PDE10A: variants seen among roughly 807,000 people sequenced by gnomAD.
PDE10A encodes phosphodiesterase 10A.
PDE10A carries 39 observed loss-of-function variants against 97.7 expected under a neutral mutation model. That is an observed-to-expected ratio of 0.40 (90% CI 0.31 to 0.52). The LOEUF is 0.52. Ranked by LOEUF, PDE10A falls within the 20% of genes least tolerant of loss-of-function variation. The pLI, the probability that PDE10A is intolerant of heterozygous loss-of-function variation, is 0.56. For synonymous variants in PDE10A, 371 were observed against 376.8 expected (o/e 0.98, Z 0.18); for missense variants, 731 against 1,047.8 (o/e 0.70, Z 4.17).
intron 1 of PDE10A, among the ~76,000 whole-genome samples, chr6:165,958,762 A>AAAGAAAGAAAGAAAGG (rs1562327907): frequency 1.4e-5 from 2 of 142,840 alleles, no homozygotes; most frequent in Admixed American, 7.1e-5. Flanking sequence ...AGAAAGAAAG[A>AAAGAAAGAAAGAAAGG]AAGAAGAAAG....
At chr6:165,407,079 T>C (rs1583214495) in intron 13 of PDE10A, among the ~76,000 whole-genome samples, 1 of 152,218 alleles carries the variant, frequency 6.6e-6, no homozygotes, top group Non-Finnish European at 1.5e-5. Flanking sequence ...CATAATCATA[T>C]GAACCAATTT....
intron 1 of PDE10A, among the ~76,000 whole-genome samples, chr6:165,962,499 G>T (rs1048721737): frequency 3.3e-5 from 5 of 152,238 alleles, no homozygotes; most frequent in Non-Finnish European, 7.3e-5. Flanking sequence ...TGCACATTCT[G>T]ACAAAGTCAT....
At chr6:165,946,673 G>A (rs1783782628) in intron 1 of PDE10A, 1 of 152,024 alleles carries the variant, frequency 6.6e-6, no homozygotes, top group African/African-American at 2.4e-5. Flanking sequence ...AAAACATCAT[G>A]TTGCACATAA....
chr6:165,467,470 G>C lies in PDE10A; in HGVS notation c.1023+14845C>G, dbSNP rs897494257. 2.0e-5 allele frequency among the ~76,000 whole-genome samples: 3 copies of C among 152,106 alleles called. No homozygotes were observed. The South Asian group carries it at 6.2e-4, about 32-fold the overall frequency. ...CTGATGACTTTAAGTTGAATCTAAG[G>C]CTCAGTGACCACTGCAAAAATTCTA... is the stretch of plus-strand genomic sequence containing the variant. On this transcript the variant is annotated intron_variant, in intron 3 of 21. Coordinates refer to ENST00000539869, the MANE Select transcript of PDE10A (RefSeq NM_001385079.1).
intron 1 of PDE10A, among the ~76,000 whole-genome samples, chr6:165,609,319 T>C (rs988239607): frequency 2.0e-5 from 3 of 152,194 alleles, no homozygotes; most frequent in African/African-American, 7.2e-5. Flanking sequence ...CCCTTCATGC[T>C]AAAAATTCTC....
chr6:165,357,977 T>C (rs1366566035), intron 18 of PDE10A, among the ~76,000 whole-genome samples: 3 of 152,146 alleles, frequency 2.0e-5, no homozygotes, highest in Non-Finnish European at 2.9e-5. Flanking sequence ...CTCAGCACTG[T>C]TTTAGCTGCA....
intron 3 of PDE10A, among the ~76,000 whole-genome samples, chr6:165,475,999 T>C (rs1044939242): frequency 3.9e-5 from 6 of 152,116 alleles, no homozygotes; most frequent in East Asian, 1.9e-4. Flanking sequence ...ACGCTCACTA[T>C]CCAGCCCTCC....
At chr6:165,950,149 C>A (rs9459543) in intron 1 of PDE10A, among the ~76,000 whole-genome samples, 22,386 of 152,072 alleles carry the variant, frequency 0.15, 1,875 homozygotes, top group Non-Finnish European at 0.18. Flanking sequence ...AAAATATGAC[C>A]TATTTCTTTT....
chr6:165,751,426 C>A (rs1217917745), intron 1 of PDE10A, among the ~76,000 whole-genome samples: 1 of 152,124 alleles, frequency 6.6e-6, no homozygotes, highest in African/African-American at 2.4e-5. Context: ...GAAGGAGCAC[C>A]CCTTTGAGAT....
chr6:165,911,345 G>A (rs1028912731), intron 1 of PDE10A, among the ~76,000 whole-genome samples: 15 of 152,254 alleles, frequency 9.9e-5, no homozygotes, highest in Admixed American at 2.0e-4. Context: ...TGGCAAAGAC[G>A]TTACATAACT....
At chr6:165,398,824 T>C (rs190643123) in intron 13 of PDE10A, among the ~76,000 whole-genome samples, 50 of 152,228 alleles carry the variant, frequency 3.3e-4, no homozygotes, top group African/African-American at 1.2e-3. Context: ...GGCAAGATGG[T>C]AGATTTACAC....
intron 2 of PDE10A, among the ~76,000 whole-genome samples, chr6:165,514,468 T>C (rs569113115): frequency 6.6e-6 from 1 of 152,326 alleles, no homozygotes; most frequent in African/African-American, 2.4e-5. Context: ...TAAACCTGCT[T>C]GGTTTTACAT....
intron 1 of PDE10A, among the ~76,000 whole-genome samples, chr6:165,591,529 G>A (rs1281130888): frequency 5.3e-5 from 8 of 152,202 alleles, no homozygotes; most frequent in Non-Finnish European, 8.8e-5. Context: ...ACAGCTGTAT[G>A]GAATGGGTCA....
rs191238302 is a variant in PDE10A at position 165,876,731 on chromosome 6, C to T, written c.-615+110798G>A. ...GTGGCTGCCAAGCCTCCGTGCGTCA[C>T]GGAGCAGAAAGCCTGCAAACGATCA... On this transcript the variant is annotated intron_variant, in intron 1 of 19. Transcript: ENST00000366882. Among the ~76,000 whole-genome samples, 9 of 152,288 alleles carry T rather than the reference C, an allele frequency of 5.9e-5. No homozygotes were observed. The East Asian group carries it at 7.7e-4, about 13-fold the overall frequency.
At chr6:165,700,277 T>C (rs925242078) in intron 1 of PDE10A, among the ~76,000 whole-genome samples, 1 of 151,888 alleles carries the variant, frequency 6.6e-6, no homozygotes, top group East Asian at 1.9e-4. Context: ...GATGGTTGTG[T>C]AGGGATGAGA....
rs567479553 is a variant in PDE10A, at chr6:165,732,474, C to T, written c.-614-188906G>A. Among the ~76,000 whole-genome samples, 16 of 152,266 alleles carry T rather than the reference C, an allele frequency of 1.1e-4. 1 individual carries two copies. Among genetic ancestry groups the T allele is most frequent in the Admixed American group, 6.5e-4 (10 of 15,304 alleles). On this transcript the variant is annotated intron_variant, in intron 1 of 19. Coordinates refer to the PDE10A transcript ENST00000366882. ...CACCCAAGCCGTCCAAGAGTTGTGGCGGCACACAGTCGCAGGTGGGCGACT... is the reference window on the plus strand; with the variant it reads ...CACCCAAGCCGTCCAAGAGTTGTGGTGGCACACAGTCGCAGGTGGGCGACT...
intron 13 of PDE10A, among the ~76,000 whole-genome samples, chr6:165,403,132 AC>A (rs1786802479): frequency 6.6e-6 from 1 of 152,184 alleles, no homozygotes; most frequent in South Asian, 2.1e-4. Context: ...ATGGAATAAC[AC>A]GGGGAAAGGC....
At chr6:165,457,941 T>C (rs961614112) in intron 3 of PDE10A, among the ~76,000 whole-genome samples, 1 of 152,174 alleles carries the variant, frequency 6.6e-6, no homozygotes, top group Non-Finnish European at 1.5e-5. Flanking sequence ...TGACCTCTGT[T>C]AGTCCCGAGA....
chr6:165,794,005 C>T (rs1288464916), intron 1 of PDE10A, among the ~76,000 whole-genome samples: 1 of 152,062 alleles, frequency 6.6e-6, no homozygotes, highest in Non-Finnish European at 1.5e-5. Flanking sequence ...AATGCCAGTC[C>T]AGTCTCAAAG....
Sources: allele counts gnomAD v4.1 joint callset (sites outside exome capture counted in the v4.1 genomes callset), GRCh38; gene constraint gnomAD v4.1.1; transcripts MANE v1.5; gene names NCBI Gene and HGNC (gene_info 2026-07-23, HGNC 2026-07-21).